The following FOXN3 variants were observed in gnomAD, a reference collection of about 807,000 sequenced individuals.
The protein encoded by FOXN3 is forkhead box N3, also known as forkhead box protein N3.
A neutral mutation model predicts 38.4 loss-of-function variants in FOXN3; 7 were observed. The observed-to-expected ratio is 0.18, with a 90% confidence interval of 0.10 to 0.34. The LOEUF is 0.34. FOXN3 is among the 10% of genes least tolerant of loss of function. FOXN3 has a pLI of 1.00. For missense variants in FOXN3, 456 were observed against 613.4 expected (o/e 0.74, Z 2.71); for synonymous variants, 230 against 242.2 (o/e 0.95, Z 0.47).
chr14:89,376,803 C>T (rs1890489510), intron 2 of FOXN3, among the ~76,000 whole-genome samples: 1 of 151,856 alleles, frequency 6.6e-6, no homozygotes, highest in South Asian at 2.1e-4. Flanking sequence ...CACCTGAGGT[C>T]AGGAGTTCAA....
At chr14:89,527,336 T>G (rs1013821603) in intron 1 of FOXN3, among the ~76,000 whole-genome samples, 1 of 152,220 alleles carries the variant, frequency 6.6e-6, no homozygotes, top group African/African-American at 2.4e-5. Context: ...ACCTGTTAGA[T>G]ATAATGCCAA....
At chr14:89,611,509 T>A (rs1260384310) in intron 1 of FOXN3, among the ~76,000 whole-genome samples, 1 of 151,776 alleles carries the variant, frequency 6.6e-6, no homozygotes, top group Non-Finnish European at 1.5e-5. Flanking sequence ...TGAAGACAAA[T>A]AAAGAAAAAT....
chr14:89,219,284 G>T (rs1218883819), intron 4 of FOXN3, among the ~76,000 whole-genome samples: 5 of 152,292 alleles, frequency 3.3e-5, no homozygotes, highest in African/African-American at 1.2e-4. Context: ...TTCCATGTAA[G>T]ACATGCCTTG....
chr14:89,426,892 G>A (rs1196828709), intron 1 of FOXN3, among the ~76,000 whole-genome samples: 3 of 152,072 alleles, frequency 2.0e-5, no homozygotes, highest in Non-Finnish European at 4.4e-5. Flanking sequence ...AGGACATGAA[G>A]GACAGGACCC....
chr14:89,425,415 T>C (rs1380447507), intron 1 of FOXN3, among the ~76,000 whole-genome samples: 1 of 151,790 alleles, frequency 6.6e-6, no homozygotes, highest in Admixed American at 6.6e-5. Context: ...TTGCCCAGGC[T>C]GGAGTGCAAT....
intron 4 of FOXN3, among the ~76,000 whole-genome samples, chr14:89,193,988 T>A (rs1888032182): frequency 6.6e-6 from 1 of 152,228 alleles, no homozygotes; most frequent in Non-Finnish European, 1.5e-5. Flanking sequence ...ATTCGTATCT[T>A]ACATGAAAAG....
chr14:89,324,895 C>T (rs377610567), intron 3 of FOXN3, among the ~76,000 whole-genome samples: 6 of 152,140 alleles, frequency 3.9e-5, no homozygotes, highest in Admixed American at 2.0e-4. Context: ...TCTGGGGTGA[C>T]GTCTGAGATT....
At chr14:89,245,119 A>G (rs1053353834) in intron 4 of FOXN3, among the ~76,000 whole-genome samples, 3 of 152,258 alleles carry the variant, frequency 2.0e-5, no homozygotes, top group Non-Finnish European at 4.4e-5. Flanking sequence ...GCTAGTTTGA[A>G]GGCAGCAGCA....
At chr14:89,512,223 G>T (rs1053053210) in intron 1 of FOXN3, among the ~76,000 whole-genome samples, 17 of 152,216 alleles carry the variant, frequency 1.1e-4, no homozygotes, top group African/African-American at 4.1e-4. Flanking sequence ...AAGGGGAAGA[G>T]ACTTTTTCTC....
intron 2 of FOXN3, among the ~76,000 whole-genome samples, chr14:89,392,337 T>C (rs77585614): frequency 0.021 from 3,269 of 152,286 alleles, 132 homozygotes; most frequent in African/African-American, 0.074. Context: ...AGGCAGAAAC[T>C]CATAACTCAC....
At chr14:89,384,029 G>A (rs1325607655) in intron 2 of FOXN3, among the ~76,000 whole-genome samples, 3 of 152,108 alleles carry the variant, frequency 2.0e-5, no homozygotes, top group Non-Finnish European at 1.5e-5. Context: ...GGTGGGGGGG[G>A]ACATTTCAGC....
At chr14:89,325,801 A>G (rs1019560514) in intron 3 of FOXN3, among the ~76,000 whole-genome samples, 11 of 152,324 alleles carry the variant, frequency 7.2e-5, no homozygotes, top group African/African-American at 2.6e-4. Context: ...GTGAGTCCCA[A>G]GATGATGCTC....
chr14:89,417,414 C>CAGGGCGG (rs1891777702), upstream of FOXN3: 1 of 147,778 alleles, frequency 6.8e-6, no homozygotes, highest in Non-Finnish European at 1.5e-5. Flanking sequence ...AGCACTCAGC[C>CAGGGCGG]AGGGCGGAGG....
intron 3 of FOXN3, among the ~76,000 whole-genome samples, chr14:89,306,415 T>C (rs1887377982): frequency 6.6e-6 from 1 of 152,046 alleles, no homozygotes; most frequent in African/African-American, 2.4e-5. Context: ...TTGCCCAGGC[T>C]GGAGTACAGT....
intron 3 of FOXN3, among the ~76,000 whole-genome samples, chr14:89,313,930 T>C (rs527422107): frequency 6.6e-6 from 1 of 151,898 alleles, no homozygotes; most frequent in South Asian, 2.1e-4. Context: ...GTACCCAGAG[T>C]AGTCAAATTC....
chr14:89,561,938 C>T (rs1895257304), intron 1 of FOXN3, among the ~76,000 whole-genome samples: 3 of 152,068 alleles, frequency 2.0e-5, no homozygotes, highest in Admixed American at 2.0e-4. Context: ...AGATTTTGAG[C>T]GTCCATGCCG....
rs150528870 is a variant in FOXN3, at chr14:89,162,792, G to C, written c.1029C>G (p.His343Gln). 2.4e-4 allele frequency: 391 copies of C among 1,613,024 alleles called. 1 individual carries two copies. In the African/African-American group the frequency reaches 4.5e-3, roughly 18 times the overall value. ...ISSSSSSADDHYEFATKGSQE... is the reference protein window; with the variant it reads ...ISSSSSSADDQYEFATKGSQE... ...GGCTCCCCTTGGTGGCAAACTCATA[G>C]TGGTCGTCGGCTGAGGAGGAGGAGG... Residue 343 changes from histidine (H) to glutamine (Q), a missense_variant, in exon 6 of 6, where the codon CAC (histidine) becomes CAG (glutamine). Coordinates refer to ENST00000557258, the MANE Select transcript of FOXN3 (RefSeq NM_005197.4). This position sits in a 1 kb window ranked among gnomAD's most constrained non-coding sequence, Gnocchi z 7.2.
chr14:89,570,135 A>G (rs243193), intron 1 of FOXN3, among the ~76,000 whole-genome samples: 136,637 of 151,900 alleles, frequency 0.9, 61,830 homozygotes, highest in African/African-American at 0.96. Context: ...GAGTAGCTGG[A>G]ACTACAGGTG....
intron 1 of FOXN3, among the ~76,000 whole-genome samples, chr14:89,533,166 T>A (rs1002662598): frequency 2.0e-5 from 3 of 152,178 alleles, no homozygotes; most frequent in African/African-American, 7.2e-5. Flanking sequence ...GCTAAAAAAT[T>A]ACTGTGCTTT....
Sources: allele counts gnomAD v4.1 joint callset (sites outside exome capture counted in the v4.1 genomes callset), GRCh38; gene constraint gnomAD v4.1.1; non-coding constraint Gnocchi (gnomAD v3.1); transcripts MANE v1.5; gene names NCBI Gene and HGNC (gene_info 2026-07-23, HGNC 2026-07-21).